The following ANO2 variants were observed in gnomAD, a reference collection of about 807,000 sequenced individuals.
ANO2 encodes anoctamin-2.
A neutral mutation model predicts 124.2 loss-of-function variants in ANO2; 101 were observed. The ratio of observed to expected loss-of-function variants is 0.81; its 90% CI spans 0.69 to 0.96. The LOEUF is 0.96. Ranked by LOEUF, ANO2 falls within the 40% of genes least tolerant of loss-of-function variation. The probability of loss-of-function intolerance (pLI) is 0.00; values close to 1 mark genes in which losing one functional copy is unlikely to be tolerated. For missense variants in ANO2, 1,293 were observed against 1,274.5 expected (o/e 1.01, Z -0.22); for synonymous variants, 486 against 482.5 (o/e 1.01, Z -0.09).
intron 16 of ANO2, among the ~76,000 whole-genome samples, chr12:5,628,690 G>C: frequency 6.6e-6 from 1 of 151,168 alleles, no homozygotes; most frequent in South Asian, 2.1e-4. Flanking sequence ...GTGTGTGTGC[G>C]CGCGCGCACG....
chr12:5,705,069 A>T (rs980556380), intron 14 of ANO2, among the ~76,000 whole-genome samples: 2 of 152,212 alleles, frequency 1.3e-5, no homozygotes, highest in African/African-American at 2.4e-5. Context: ...ACTGAAAAAA[A>T]TTATGACACT....
At chr12:5,627,462 G>A (rs570107938) in intron 16 of ANO2, among the ~76,000 whole-genome samples, 3 of 152,268 alleles carry the variant, frequency 2.0e-5, no homozygotes, top group Admixed American at 1.3e-4. Flanking sequence ...TGCAGCCCAC[G>A]CCGGCCAGGC....
intron 1 of ANO2, among the ~76,000 whole-genome samples, chr12:5,931,988 TAAGAAAGTGA>T (rs1942416985): frequency 1.1e-5 from 1 of 92,438 alleles, no homozygotes. Context: ...GGAAGACTGG[TAAGAAAGTGA>T]CTAATAAGGA....
Position 5,846,165 on chromosome 12 carries a change from T to C in ANO2, c.633+7878A>G, listed in dbSNP as rs781115787. Among the ~76,000 whole-genome samples, 147 of 152,344 alleles carry C rather than the reference T, an allele frequency of 9.6e-4. 2 individuals carry two copies. The highest frequency in any genetic ancestry group is 6.8e-4 in the Non-Finnish European group (46 of 68,036). ...TTAAGCCAATTACTGTATTTGGATA[T>C]AGAAGTATAAATAGGAAAATAATTC... On this transcript the variant is annotated intron_variant, in intron 4 of 24. Coordinates refer to ENST00000682330, the MANE Select transcript of ANO2 (RefSeq NM_001364791.2).
chr12:5,692,771 C>A (rs12422824), intron 14 of ANO2, among the ~76,000 whole-genome samples: 1 of 152,050 alleles, frequency 6.6e-6, no homozygotes, highest in African/African-American at 2.4e-5. Flanking sequence ...CCCTGCGCCC[C>A]GTAGTAGGGC....
chr12:5,941,254 T>C (rs941796418), intron 1 of ANO2, among the ~76,000 whole-genome samples: 1 of 152,208 alleles, frequency 6.6e-6, no homozygotes, highest in Non-Finnish European at 1.5e-5. Context: ...TTTTATGGTA[T>C]GTGAATTGTA....
chr12:5,591,788 A>T lies in ANO2; in HGVS notation c.2233+7696T>A, dbSNP rs114562565. Among the ~76,000 whole-genome samples the T allele has an allele frequency of 2.9e-3, 434 of 152,190 alleles. 4 individuals carry two copies. The highest frequency in any genetic ancestry group is 9.7e-3 in the African/African-American group (403 of 41,538). On this transcript the variant is annotated intron_variant, in intron 20 of 24. Coordinates refer to ENST00000682330, the MANE Select transcript of ANO2 (RefSeq NM_001364791.2). Reference sequence around the variant, plus strand: ...ATCTCTCTCTCACACCAGACCCTGAAACTCTGGAGGGAACAGGCATGTCTG... The same window carrying T: ...ATCTCTCTCTCACACCAGACCCTGATACTCTGGAGGGAACAGGCATGTCTG...
chr12:5,888,022 C>G (rs981294106), intron 3 of ANO2, among the ~76,000 whole-genome samples: 1 of 152,182 alleles, frequency 6.6e-6, no homozygotes, highest in African/African-American at 2.4e-5. Flanking sequence ...GGTTCTTGGT[C>G]TCACTGACTT....
chr12:5,857,002 C>T (rs968439414), intron 3 of ANO2, among the ~76,000 whole-genome samples: 1 of 152,104 alleles, frequency 6.6e-6, no homozygotes, highest in Non-Finnish European at 1.5e-5. Flanking sequence ...AATATTGTTA[C>T]CTTCTCATAA....
intron 3 of ANO2, 114 bp downstream of exon 3, chr12:5,920,926 A>G: frequency 7.9e-7 from 1 of 1,262,432 alleles, no homozygotes; most frequent in Non-Finnish European, 1.1e-6. Context: ...GCAGAAAAAA[A>G]AGTCCACCTG....
chr12:5,887,437 C>T (rs1394061179), intron 3 of ANO2, among the ~76,000 whole-genome samples: 1 of 152,224 alleles, frequency 6.6e-6, no homozygotes, highest in African/African-American at 2.4e-5. Context: ...ACCACTTCCA[C>T]TGTGGGGGAT....
intron 14 of ANO2, among the ~76,000 whole-genome samples, chr12:5,715,863 GAAA>G: frequency 6.6e-6 from 1 of 152,130 alleles, no homozygotes; most frequent in Non-Finnish European, 1.5e-5. Context: ...GAATTCAGGA[GAAA>G]AACATAAGCA....
intron 10 of ANO2, among the ~76,000 whole-genome samples, chr12:5,759,011 G>A (rs2137103948): frequency 6.6e-6 from 1 of 152,050 alleles, no homozygotes; most frequent in East Asian, 1.9e-4. Context: ...AAAAGAGTGA[G>A]GAAAAACAAA....
chr12:5,567,272 C>T (rs1211017566), intron 23 of ANO2, among the ~76,000 whole-genome samples: 1 of 152,188 alleles, frequency 6.6e-6, no homozygotes, highest in Non-Finnish European at 1.5e-5. Flanking sequence ...TCATCATAAC[C>T]GTCCTCAGCT....
At chr12:5,880,066 G>A (rs1938376735) in intron 3 of ANO2, among the ~76,000 whole-genome samples, 1 of 152,186 alleles carries the variant, frequency 6.6e-6, no homozygotes, top group Non-Finnish European at 1.5e-5. Flanking sequence ...AAATGGAATT[G>A]ACATGACCTG....
intron 19 of ANO2, among the ~76,000 whole-genome samples, chr12:5,611,260 C>T (rs202179452): frequency 6.6e-6 from 1 of 152,292 alleles, no homozygotes; most frequent in South Asian, 2.1e-4. Context: ...TGAGCCACCA[C>T]ACCTGGCCAG....
At chr12:5,804,191 C>A (rs981674431) in intron 9 of ANO2, among the ~76,000 whole-genome samples, 4 of 152,224 alleles carry the variant, frequency 2.6e-5, no homozygotes, top group Non-Finnish European at 4.4e-5. Flanking sequence ...GCAGCACACA[C>A]TTGGGCGTTT....
chr12:5,800,595 G>A (rs1953009610), intron 9 of ANO2, among the ~76,000 whole-genome samples: 1 of 152,234 alleles, frequency 6.6e-6, no homozygotes, highest in African/African-American at 2.4e-5. Context: ...GGTAAAGCCT[G>A]TAAGATTTAC....
intron 16 of ANO2, among the ~76,000 whole-genome samples, chr12:5,623,879 G>C (rs905488690): frequency 2.0e-5 from 3 of 152,234 alleles, no homozygotes; most frequent in Non-Finnish European, 2.9e-5. Context: ...TTGGGAATGG[G>C]GGGTGGGTGG....
Sources: gnomAD v4.1 joint callset for allele counts (sites outside exome capture counted in the v4.1 genomes callset) on GRCh38, gnomAD v4.1.1 for gene constraint, MANE v1.5 for transcripts, NCBI Gene and HGNC (gene_info 2026-07-23, HGNC 2026-07-21) for gene names.